The following FILIP1 variants were observed in gnomAD, a reference collection of about 807,000 sequenced individuals.
FILIP1 encodes filamin-A-interacting protein 1.
A neutral mutation model predicts 102.1 loss-of-function variants in FILIP1; 61 were observed. That is an observed-to-expected ratio of 0.60 (90% CI 0.49 to 0.74). FILIP1 has a LOEUF of 0.74. Ranked by LOEUF, FILIP1 falls within the 30% of genes least tolerant of loss-of-function variation. The pLI, the probability that FILIP1 is intolerant of heterozygous loss-of-function variation, is 0.00. For missense variants in FILIP1, 1,314 were observed against 1,441.2 expected (o/e 0.91, Z 1.43); for synonymous variants, 491 against 526.9 (o/e 0.93, Z 0.93).
intron 1 of FILIP1, among the ~76,000 whole-genome samples, chr6:75,434,983 T>C (rs1777964383): frequency 6.6e-6 from 1 of 152,248 alleles, no homozygotes; most frequent in African/African-American, 2.4e-5. Context: ...TATGATGGAT[T>C]ACATTTATTG....
At chr6:75,295,844 A>G in exon 7 of FILIP1, 2 of 1,076,404 alleles carry the variant, frequency 1.9e-6, no homozygotes, top group Non-Finnish European at 2.4e-6. Context: ...GTCATGATTG[A>G]GGGCTGTCCA....
intron 1 of FILIP1, among the ~76,000 whole-genome samples, chr6:75,417,151 C>A (rs1192807075): frequency 6.6e-6 from 1 of 152,146 alleles, no homozygotes; most frequent in Non-Finnish European, 1.5e-5. Context: ...CATTAATTCA[C>A]TTTGGCTGAT....
chr6:75,459,041 A>G (rs1778933307), intron 1 of FILIP1: 1 of 152,230 alleles, frequency 6.6e-6, no homozygotes. Context: ...AAATGTATTC[A>G]TACGTCAATT....
At chr6:75,468,987 A>G (rs897412867) in intron 1 of FILIP1, among the ~76,000 whole-genome samples, 2 of 152,044 alleles carry the variant, frequency 1.3e-5, no homozygotes, top group African/African-American at 4.8e-5. Flanking sequence ...GGAACCAGAA[A>G]CTTTACCACT....
At chr6:75,359,253 G>A (rs1003389801) in intron 3 of FILIP1, among the ~76,000 whole-genome samples, 15 of 151,180 alleles carry the variant, frequency 9.9e-5, no homozygotes, top group Admixed American at 4.6e-4. Context: ...TGATCTGCCC[G>A]CCTCAGCCTC....
chr6:75,382,159 T>C (rs911906959), intron 2 of FILIP1, among the ~76,000 whole-genome samples: 3 of 152,188 alleles, frequency 2.0e-5, no homozygotes, highest in Admixed American at 6.5e-5. Context: ...TTTTTGAGCA[T>C]TGTTATCTTT....
At chr6:75,352,881 T>C (rs1225744428) in intron 4 of FILIP1, among the ~76,000 whole-genome samples, 3 of 151,618 alleles carry the variant, frequency 2.0e-5, no homozygotes, top group African/African-American at 7.3e-5. Flanking sequence ...TAAATGTAAG[T>C]GCTTCATTGA....
chr6:75,334,629 CT>C (rs2149582377), intron 4 of FILIP1: 1 of 152,248 alleles, frequency 6.6e-6, no homozygotes, highest in African/African-American at 2.4e-5. Flanking sequence ...CAAAACAGAT[CT>C]TGACTTCCTT....
At chr6:75,386,126 AATT>A (rs1244295981) in intron 2 of FILIP1, 3 of 152,122 alleles carry the variant, frequency 2.0e-5, no homozygotes, top group Non-Finnish European at 4.4e-5. Flanking sequence ...AGCTGCCAAA[AATT>A]ATTGTTTCAG....
At chr6:75,468,343 G>T (rs1323602157) in intron 1 of FILIP1, among the ~76,000 whole-genome samples, 1 of 152,108 alleles carries the variant, frequency 6.6e-6, no homozygotes, top group East Asian at 1.9e-4. Flanking sequence ...AAAACATGAA[G>T]AACTTACAGC....
At chr6:75,300,207 A>G (rs1360612850) in intron 6 of FILIP1, among the ~76,000 whole-genome samples, 3 of 152,212 alleles carry the variant, frequency 2.0e-5, no homozygotes, top group Admixed American at 6.5e-5. Context: ...AAGACAAAAC[A>G]TACCAGAAAT....
chr6:75,338,567 C>T lies in FILIP1; in HGVS notation c.629+14972G>A, dbSNP rs563282630. 1.2e-4 allele frequency among the ~76,000 whole-genome samples: 19 copies of T among 152,258 alleles called. No homozygotes were observed. The South Asian group carries it at 2.7e-3, about 22-fold the overall frequency. ...CCACTCTAGAAAAAAAGTAAAAATA[C>T]GAAAACAATGTAGTTATTCACTGTA... On this transcript the variant is annotated intron_variant, in intron 4 of 5. Transcript: ENST00000237172.
At chr6:75,354,217 C>T (rs993025384) in intron 3 of FILIP1, among the ~76,000 whole-genome samples, 5 of 152,172 alleles carry the variant, frequency 3.3e-5, no homozygotes, top group African/African-American at 4.8e-5. Flanking sequence ...TACCCATTTA[C>T]GCTCCTACAA....
rs149977772 is a variant in FILIP1 at position 75,483,107 on chromosome 6, C to T, written c.-7+10307G>A. 2.0e-3 allele frequency among the ~76,000 whole-genome samples: 303 copies of T among 152,062 alleles called. 3 individuals carry two copies. The highest frequency in any genetic ancestry group is 6.7e-3 in the African/African-American group (280 of 41,494). Reference sequence around the variant, plus strand: ...GTAAGATTCATTTTACTGGACAACACACATACATTTTTCTCTAGGTGTGAA... The same window carrying T: ...GTAAGATTCATTTTACTGGACAACATACATACATTTTTCTCTAGGTGTGAA... On this transcript the variant is annotated intron_variant, in intron 1 of 5. Transcript: ENST00000237172.
intron 1 of FILIP1, among the ~76,000 whole-genome samples, chr6:75,486,830 T>C (rs1026152119): frequency 6.6e-6 from 1 of 152,096 alleles, no homozygotes; most frequent in Non-Finnish European, 1.5e-5. Context: ...ATTCCTATCA[T>C]TTTATATAGT....
intron 4 of FILIP1, among the ~76,000 whole-genome samples, chr6:75,345,579 A>G (rs1041230669): frequency 2.0e-5 from 3 of 152,116 alleles, no homozygotes; most frequent in Admixed American, 1.3e-4. Flanking sequence ...CATTTGCATA[A>G]TAAGATTAGG....
chr6:75,375,142 G>GC (rs1355773887), intron 2 of FILIP1, among the ~76,000 whole-genome samples: 2 of 152,238 alleles, frequency 1.3e-5, no homozygotes, highest in African/African-American at 4.8e-5. Context: ...CTCCCATGTA[G>GC]CCCACCCCCA....
At chr6:75,403,937 A>C (rs1202284420) in intron 2 of FILIP1, among the ~76,000 whole-genome samples, 1 of 152,084 alleles carries the variant, frequency 6.6e-6, no homozygotes, top group Non-Finnish European at 1.5e-5. Context: ...ACAGACTTGC[A>C]CTCCACTCCA....
intron 2 of FILIP1, among the ~76,000 whole-genome samples, chr6:75,373,834 C>G (rs1775658379): frequency 6.6e-6 from 1 of 152,022 alleles, no homozygotes; most frequent in Non-Finnish European, 1.5e-5. Flanking sequence ...CATGGCAAAA[C>G]CCTGTCTCTA....
Sources: gnomAD v4.1 joint callset for allele counts (sites outside exome capture counted in the v4.1 genomes callset) on GRCh38, gnomAD v4.1.1 for gene constraint, MANE v1.5 for transcripts, NCBI Gene and HGNC (gene_info 2026-07-23, HGNC 2026-07-21) for gene names.